NIPA2: variants seen among roughly 807,000 people sequenced by gnomAD.
NIPA2 encodes NIPA magnesium transporter 2, also known as magnesium transporter NIPA2.
In NIPA2, 11 loss-of-function variants were observed where a neutral mutation model predicts 29.7. That is an observed-to-expected ratio of 0.37 (90% CI 0.23 to 0.61). The LOEUF (loss-of-function observed/expected upper bound fraction) is 0.61. Among genes scored for constraint, NIPA2 ranks in the 20% least tolerant of loss-of-function variants. The pLI is 0.66. For missense variants in NIPA2, 426 were observed against 437.9 expected (o/e 0.97, Z 0.24); for synonymous variants, 183 against 161.9 (o/e 1.13, Z -0.99).
At chr15:22,842,101 TTTA>T (rs1207172220) in intron 2 of NIPA2, among the ~76,000 whole-genome samples, 1 of 152,200 alleles carries the variant, frequency 6.6e-6, no homozygotes, top group East Asian at 1.9e-4. Context: ...CTTTATTTCG[TTTA>T]TTATTTCGCC....
In NIPA2 at chr15:22,851,801, A is replaced by G; in HGVS notation, c.70A>G (p.Ile24Val). The change falls in exon 4 of 8, where the codon ATT becomes GTT. Residue 24 changes from isoleucine to valine, a missense_variant. This residue lies in a region of NIPA2 where 57 missense variants were observed against 66.6 expected (regional missense o/e 0.86). Transcript: ENST00000337451. ...ATTGGCTATGAGCTCCAGCATTTTC[A>G]TTGGAGGAAGTTTCATTTTGAAAAA... Reference protein sequence around the residue: ...LGLAMSSSIFIGGSFILKKKG... With the variant: ...LGLAMSSSIFVGGSFILKKKG... 1 of 1,613,456 alleles carries G rather than the reference A, an allele frequency of 6.2e-7. No homozygotes were observed. The highest frequency in any genetic ancestry group is 8.5e-7 in the Non-Finnish European group (1 of 1,179,568).
chr15:22,841,594 C>T (rs1366052022), intron 2 of NIPA2, among the ~76,000 whole-genome samples: 1 of 152,040 alleles, frequency 6.6e-6, no homozygotes, highest in African/African-American at 2.4e-5. Flanking sequence ...CTGCAACCTC[C>T]GCCCTCCAGT....
chr15:22,858,143 C>T (rs913029384), intron 5 of NIPA2, among the ~76,000 whole-genome samples: 30 of 152,150 alleles, frequency 2.0e-4, no homozygotes, highest in African/African-American at 7.2e-4. Context: ...CCTGTAATCC[C>T]AGCACTTTGG....
In NIPA2 at chr15:22,866,660, T is replaced by G. The variant is rs756288600; in HGVS notation, c.896T>G (p.Phe299Cys). The change falls in exon 8 of 8, where the codon TTT becomes TGT. Residue 299 changes from phenylalanine (F) to cysteine (C), a missense_variant. Phe to Cys is a radical substitution (Grantham distance 205, BLOSUM62 -2). Around this residue, in one of 3 missense-constraint regions of NIPA2, gnomAD observed 357 missense variants for 339.8 expected, o/e 1.05. Coordinates refer to ENST00000337451, the MANE Select transcript of NIPA2 (RefSeq NM_030922.7). ...GTGGGGATATTCTTGTTGCATGCCT[T>G]TAAAGACGTCAGCTTTAGTCTAGCA... is the stretch of plus-strand genomic sequence containing the variant. ...IIVGIFLLHA[F>C]KDVSFSLASL... is the part of the protein sequence containing the mutation. The G allele has an allele frequency of 3.1e-6, 5 of 1,614,150 alleles. No individual in the cohort carries two copies. The highest frequency in any genetic ancestry group is 3.4e-6 in the Non-Finnish European group (4 of 1,180,008).
chr15:22,858,285 T>G (rs1008879697), intron 5 of NIPA2, among the ~76,000 whole-genome samples: 1 of 152,002 alleles, frequency 6.6e-6, no homozygotes, highest in Non-Finnish European at 1.5e-5. Context: ...TCCCAGCTAC[T>G]TGGGAGGCTG....
chr15:22,840,310 T>G (rs919337021), intron 2 of NIPA2, among the ~76,000 whole-genome samples: 17 of 150,368 alleles, frequency 1.1e-4, no homozygotes, highest in African/African-American at 3.7e-4. Context: ...TTGTTTTTTT[T>G]TTTTTGAGAT....
At chr15:22,853,665 C>T (rs1179545484) in intron 5 of NIPA2, among the ~76,000 whole-genome samples, 5 of 151,860 alleles carry the variant, frequency 3.3e-5, no homozygotes, top group South Asian at 2.1e-4. Context: ...CGTGAGCCAC[C>T]GCACCCGGCC....
intron 2 of NIPA2, among the ~76,000 whole-genome samples, chr15:22,843,221 TG>T (rs1897607066): frequency 6.6e-6 from 1 of 152,152 alleles, no homozygotes; most frequent in South Asian, 2.1e-4. Context: ...TCTCTGGACT[TG>T]GGCCAGGTGC....
rs1397527572 is a variant in NIPA2 at position 22,867,127 on chromosome 15, C to T, written c.*280C>T. 11 of 481,212 alleles carry T rather than the reference C, an allele frequency of 2.3e-5. No individual in the cohort carries two copies. Among genetic ancestry groups the T allele is most frequent in the East Asian group, 3.2e-5 (1 of 31,288 alleles). The allele number at this position is 481,212 out of a possible 1,614,324, so 29.8% of individuals were successfully genotyped here. A position where few individuals can be genotyped will look rare whatever the true frequency, so the allele number is the denominator to read the frequency against. On this transcript the variant is annotated 3_prime_UTR_variant, in exon 8 of 8. Transcript: ENST00000337451. The stretch of plus-strand genomic sequence containing the variant: ...CTCCAAAAGCCGAATGCACTAATGA[C>T]AGTTTTAAGTCTATGAAAATGCTTT...
intron 5 of NIPA2, among the ~76,000 whole-genome samples, chr15:22,858,192 G>A (rs901445709): frequency 6.6e-6 from 1 of 152,124 alleles, no homozygotes; most frequent in South Asian, 2.1e-4. Context: ...AGGAGATCAA[G>A]ACCATCCTGG....
intron 7 of NIPA2, among the ~76,000 whole-genome samples, chr15:22,861,998 A>G (rs2058653132): frequency 6.7e-6 from 1 of 149,428 alleles, no homozygotes. Flanking sequence ...TTGCCTCCCA[A>G]AGTGTTGGGA....
In NIPA2 at chr15:22,866,599, G is replaced by T. The variant is rs1299503317; in HGVS notation, c.835G>T (p.Val279Phe). 1 of 1,614,044 alleles carries T rather than the reference G, an allele frequency of 6.2e-7. No individual in the cohort carries two copies. The highest frequency in any genetic ancestry group is 8.5e-7 in the Non-Finnish European group (1 of 1,180,030). ...GTGGCAAGATATGCCTGTTGACGAT[G>T]TCATTGGTACTTTGAGTGGCTTCTT... is the stretch of plus-strand genomic sequence containing the variant. ...KEWQDMPVDD[V>F]IGTLSGFFTI... Residue 279 changes from valine to phenylalanine, a missense_variant, in exon 8 of 8, where the codon GTC becomes TTC. Around this residue, in one of 3 missense-constraint regions of NIPA2, gnomAD observed 357 missense variants for 339.8 expected, o/e 1.05. Transcript: ENST00000337451.
intron 7 of NIPA2, among the ~76,000 whole-genome samples, chr15:22,865,428 G>A (rs961186608): frequency 6.6e-6 from 1 of 151,776 alleles, no homozygotes; most frequent in African/African-American, 2.4e-5. Context: ...GGAGCTTGCA[G>A]TGAGCCGAGA....
chr15:22,859,986 G>A (rs2058505898), intron 6 of NIPA2, among the ~76,000 whole-genome samples: 2 of 151,356 alleles, frequency 1.3e-5, no homozygotes, highest in East Asian at 3.9e-4. Flanking sequence ...ATAGGAATAA[G>A]TTGAGTAAAT....
Position 22,867,193 on chromosome 15 carries a change from C to T in NIPA2, c.*346C>T, listed in dbSNP as rs768556681. ...ATGAAAGTCTGAAATGTGCATTTGTCATCCCCACTCCATCAATCCCTGACC... is the reference window on the plus strand; with the variant it reads ...ATGAAAGTCTGAAATGTGCATTTGTTATCCCCACTCCATCAATCCCTGACC... On this transcript the variant is annotated 3_prime_UTR_variant, in exon 8 of 8. Transcript: ENST00000337451. The T allele has an allele frequency of 2.3e-6, 1 of 428,794 alleles. No homozygotes were observed. The highest frequency in any genetic ancestry group is 4.1e-6 in the Non-Finnish European group (1 of 244,810). The allele number at this position is 428,794 out of a possible 1,614,324, so 26.6% of individuals were successfully genotyped here.
rs894745073 is a variant in NIPA2 at position 22,867,887 on chromosome 15, T to C, written c.*1040T>C. The C allele has an allele frequency of 3.3e-5, 5 of 152,198 alleles. No individual in the cohort carries two copies. The highest frequency in any genetic ancestry group is 1.9e-4 in the East Asian group (1 of 5,198). 9.4% of individuals were successfully genotyped at this position (152,198 alleles called of 1,614,324 possible). On this transcript the variant is annotated 3_prime_UTR_variant, in exon 8 of 8. Coordinates refer to ENST00000337451, the MANE Select transcript of NIPA2 (RefSeq NM_030922.7). ...AAGTCGATGGAAAACTGCAAACATA[T>C]GCAGAAAAGGTAGAATAATAAAAAA...
chr15:22,865,929 C>CCCTCTT (rs2059025769), intron 7 of NIPA2, among the ~76,000 whole-genome samples: 1 of 152,114 alleles, frequency 6.6e-6, no homozygotes, highest in Middle Eastern at 3.2e-3. Context: ...TTCCCACTGT[C>CCCTCTT]CCTCTTGCCT....
chr15:22,861,265 C>G (rs2058602470), intron 7 of NIPA2, among the ~76,000 whole-genome samples: 1 of 152,204 alleles, frequency 6.6e-6, no homozygotes, highest in Non-Finnish European at 1.5e-5. Context: ...TAATTTCAAA[C>G]AAAGAGGTAT....
chr15:22,853,794 A>G (rs1165016026), intron 5 of NIPA2, among the ~76,000 whole-genome samples: 1 of 152,144 alleles, frequency 6.6e-6, no homozygotes, highest in Non-Finnish European at 1.5e-5. Context: ...CCATCCCCTC[A>G]ACAATTTATC....
Sources: gnomAD v4.1 joint callset for allele counts (sites outside exome capture counted in the v4.1 genomes callset) on GRCh38, gnomAD v4.1.1 for gene constraint, gnomAD v4.1.1 regional missense constraint, MANE v1.5 for transcripts, NCBI Gene and HGNC (gene_info 2026-07-23, HGNC 2026-07-21) for gene names.